Variants in CROCC observed in about 807,000 individuals in gnomAD.
CROCC encodes the protein rootletin.
CROCC carries 180 observed loss-of-function variants against 245.2 expected under a neutral mutation model. That is an observed-to-expected ratio of 0.73 (90% CI 0.65 to 0.83). CROCC has a LOEUF of 0.83. Among genes scored for constraint, CROCC ranks in the 40% least tolerant of loss-of-function variants. The pLI is 0.00. For synonymous variants in CROCC, 1,205 were observed against 1,241.6 expected, an observed-to-expected ratio of 0.97 and a Z score of 0.62; for missense variants, 2,688 against 2,779.4, an observed-to-expected ratio of 0.97 and a Z score of 0.74.
chr1:16,958,872 C>G (rs2076287469), intron 26 of CROCC, 122 bp downstream of exon 26: 1 of 1,101,718 alleles, frequency 9.1e-7, no homozygotes, highest in Non-Finnish European at 1.3e-6. Context: ...TCCCCCACTC[C>G]TTGAGACTCT....
intron 31 of CROCC, 66 bp downstream of exon 31, chr1:16,968,484 TACGCAGTCCCCCA>T (rs2076458027): frequency 2.1e-6 from 3 of 1,401,092 alleles, no homozygotes; most frequent in South Asian, 1.5e-5. Flanking sequence ...TTGTAGGCAC[TACGCAGTCCCCCA>T]ACAACCCTGT....
chr1:16,950,768 C>T (rs1042647211), intron 19 of CROCC, among the ~76,000 whole-genome samples, 185 bp from the exon 20 acceptor site: 32 of 152,226 alleles, frequency 2.1e-4, no homozygotes, highest in East Asian at 1.5e-3. Flanking sequence ...GGCCAGTGGG[C>T]CCATGTAGCA....
At position 16,972,521 on chromosome 1, in the gene CROCC, C is replaced by G. The variant is rs557470293; in HGVS notation, c.*75C>G. The G allele has an allele frequency of 4.4e-5, 42 of 948,228 alleles. No individual in the cohort carries two copies. Among genetic ancestry groups the G allele is most frequent in the Non-Finnish European group, 5.7e-5 (37 of 654,690 alleles). The allele number at this position is 948,228 out of a possible 1,614,324, so 58.7% of individuals were successfully genotyped here. ...CCCTTCTTTTGGACAGCCCCCCCACCCAGAGCCCGGTCCCTTGGGGGCCTC... is the reference window on the plus strand; with the variant it reads ...CCCTTCTTTTGGACAGCCCCCCCACGCAGAGCCCGGTCCCTTGGGGGCCTC... On this transcript the variant is annotated 3_prime_UTR_variant, in exon 37 of 37. Coordinates refer to ENST00000375541, the MANE Select transcript of CROCC (RefSeq NM_014675.5).
intron 15 of CROCC, 144 bp downstream of exon 15, chr1:16,945,750 G>C: frequency 1.1e-6 from 1 of 946,606 alleles, no homozygotes; most frequent in Non-Finnish European, 1.6e-6. Context: ...GATACAGGCT[G>C]ATCTTTGTCA....
At chr1:16,945,777 G>A (rs2076031947) in intron 15 of CROCC, among the ~76,000 whole-genome samples, 171 bp downstream of exon 15, 1 of 152,180 alleles carries the variant, frequency 6.6e-6, no homozygotes, top group Non-Finnish European at 1.5e-5. Flanking sequence ...ACAGACCTCT[G>A]GACCTCTGGT....
At chr1:16,923,949 G>A (rs1405101232) in intron 2 of CROCC, among the ~76,000 whole-genome samples, 2 of 152,250 alleles carry the variant, frequency 1.3e-5, no homozygotes, top group Non-Finnish European at 2.9e-5. Context: ...CAAAGTGCTG[G>A]GATTACAGGC....
At chr1:16,963,856 C>T (rs1403713664) in intron 27 of CROCC, among the ~76,000 whole-genome samples, 2 of 151,668 alleles carry the variant, frequency 1.3e-5, no homozygotes, top group African/African-American at 2.4e-5. Flanking sequence ...AGTGCAATGG[C>T]GCGATCTCGA....
At chr1:16,955,741 G>A (rs1041653730) in intron 24 of CROCC, among the ~76,000 whole-genome samples, 191 bp downstream of exon 24, 2 of 152,230 alleles carry the variant, frequency 1.3e-5, no homozygotes, top group African/African-American at 4.8e-5. Flanking sequence ...GGGGCAGTGG[G>A]CAGCTTTGGG....
At position 16,954,352 on chromosome 1, in the gene CROCC, G is replaced by C; in HGVS notation, c.3316G>C (p.Asp1106His). 1.2e-6 allele frequency: 2 copies of C among 1,611,032 alleles called. No individual in the cohort carries two copies. The highest frequency in any genetic ancestry group is 2.2e-5 in the South Asian group (2 of 90,886). ...AGATGCCCAGAGCCGGCAGGAGCAG[G>C]ACCGGGTAGGGCAGGCTGGGCAGCT... is the stretch of plus-strand genomic sequence containing the variant. ...KRDAQSRQEQ[D>H]RSTVNALTSE... The change falls in exon 22 of 37, where the codon GAC becomes CAC. Residue 1106 changes from aspartate (D) to histidine (H), a missense_variant. Transcript: ENST00000375541. The surrounding 1 kb of genome is among the most constrained non-coding windows in gnomAD (Gnocchi z 4.4).
At position 16,948,324 on chromosome 1, in the gene CROCC, G is replaced by T. The variant is rs1253826158; in HGVS notation, c.2515-7G>T. 2 of 1,556,346 alleles carry T rather than the reference G, an allele frequency of 1.3e-6. No individual in the cohort carries two copies. The highest frequency in any genetic ancestry group is 1.7e-6 in the Non-Finnish European group (2 of 1,156,572). On this transcript the variant is annotated splice_polypyrimidine_tract_variant and splice_region_variant and intron_variant, in intron 17 of 36. Transcript: ENST00000375541. ...GGAGTGCTACTCAGTCTCTGGGTGG[G>T]GGCCAGCTCTCCCGGCAGCTGAGCG...
chr1:16,930,107 C>A lies in CROCC; in HGVS notation c.538-17C>A. On this transcript the variant is annotated splice_polypyrimidine_tract_variant and intron_variant, in intron 4 of 36. Transcript: ENST00000375541. ...CGCCCCAACCCCTGGGGCTCACCAT[C>A]AGCTCCCCATCCCCAGATTCTCCAG... 6.3e-7 allele frequency: 1 copy of A among 1,583,802 alleles called. No homozygotes were observed. Among genetic ancestry groups the A allele is most frequent in the South Asian group, 1.2e-5 (1 of 86,706 alleles).
At chr1:16,945,253 G>A (rs1446271071) in intron 14 of CROCC, among the ~76,000 whole-genome samples, 31 of 152,272 alleles carry the variant, frequency 2.0e-4, no homozygotes. Context: ...ACAATGTCAC[G>A]AGGTAAGTGT....
At chr1:16,938,586 G>A in intron 11 of CROCC, 103 bp downstream of exon 11, 2 of 1,129,332 alleles carry the variant, frequency 1.8e-6, no homozygotes, top group South Asian at 1.5e-5. Flanking sequence ...ATGGGTGGGG[G>A]CCTGGGACCC....
chr1:16,924,393 G>A lies in CROCC; in HGVS notation c.265G>A (p.Glu89Lys). The change falls in exon 3 of 37, where the codon GAG becomes AAG. Residue 89 changes from glutamate (E) to lysine (K), a missense_variant. This residue lies in a region of CROCC where 972 missense variants were observed against 895.3 expected (regional missense o/e 1.09). Coordinates refer to ENST00000375541, the MANE Select transcript of CROCC (RefSeq NM_014675.5). ...LQEENQLLQQ[E>K]LSRVEDLLAQ... ...GGAGGAGAACCAGCTGCTGCAGCAG[G>A]AGCTGTCCCGCGTGGAGGACCTGCT... The A allele has an allele frequency of 6.8e-6, 11 of 1,613,270 alleles. No homozygotes were observed. The highest frequency in any genetic ancestry group is 7.6e-6 in the Non-Finnish European group (9 of 1,179,882).
At chr1:16,962,841 G>C (rs1051076258) in intron 27 of CROCC, among the ~76,000 whole-genome samples, 7 of 151,714 alleles carry the variant, frequency 4.6e-5, no homozygotes, top group African/African-American at 1.7e-4. Context: ...GGTGATGGCT[G>C]CACAACAGTG....
At position 16,972,231 on chromosome 1, in the gene CROCC, C is replaced by T. The variant is rs61638937; in HGVS notation, c.5968-129C>T. The T allele has an allele frequency of 0.012, 8,962 of 773,608 alleles. 562 individuals are homozygous for T. In the African/African-American group the frequency reaches 0.13, roughly 11 times the overall value. 47.9% of individuals were successfully genotyped at this position (773,608 alleles called of 1,614,324 possible). A position where few individuals can be genotyped will look rare whatever the true frequency, so the allele number is the denominator to read the frequency against. On this transcript the variant is annotated intron_variant, in intron 36 of 36. Transcript: ENST00000375541. ...ACAAAATGAGAAAGGCAGGACAGCC[C>T]CTGGCTCTCAGTGAGACCAGACCTT...
intron 30 of CROCC, among the ~76,000 whole-genome samples, chr1:16,967,579 C>G (rs1397560928): frequency 6.6e-6 from 1 of 152,120 alleles, no homozygotes; most frequent in Non-Finnish European, 1.5e-5. Flanking sequence ...GCAGAGGGGC[C>G]AGGCTCAGGA....
At chr1:16,923,674 C>CTTTTTT (rs61063425) in intron 2 of CROCC, among the ~76,000 whole-genome samples, 149 of 103,500 alleles carry the variant, frequency 1.4e-3, no homozygotes, top group African/African-American at 1.9e-3. Context: ...ACTATTCTAC[C>CTTTTTT]TTTTTTTTTT....
At chr1:16,969,028 G>T (rs956800776) in intron 31 of CROCC, 88 bp from the exon 32 acceptor site, 1 of 1,232,212 alleles carries the variant, frequency 8.1e-7, no homozygotes, top group Non-Finnish European at 1.2e-6. Flanking sequence ...GGTGTGGATT[G>T]GGCATGCCAG....
Sources: gnomAD v4.1 joint callset for allele counts (sites outside exome capture counted in the v4.1 genomes callset) on GRCh38, gnomAD v4.1.1 for gene constraint, gnomAD v4.1.1 regional missense constraint, Gnocchi (gnomAD v3.1) non-coding constraint, MANE v1.5 for transcripts, NCBI Gene and HGNC (gene_info 2026-07-23, HGNC 2026-07-21) for gene names.